The following LRP1B variants were observed in gnomAD, a reference collection of about 807,000 sequenced individuals.
LRP1B encodes LDL receptor related protein 1B, also known as low-density lipoprotein receptor-related protein 1B.
In LRP1B, 217 loss-of-function variants were observed where a neutral mutation model predicts 556.6. The ratio of observed to expected loss-of-function variants is 0.39; its 90% CI spans 0.35 to 0.44. LRP1B has a LOEUF of 0.44. Ranked by LOEUF, LRP1B falls within the 20% of genes least tolerant of loss-of-function variation. The pLI is 1.00. For synonymous variants in LRP1B, 2,047 were observed against 1,865.8 expected (o/e 1.10, Z -2.50); for missense variants, 5,053 against 5,620.8 (o/e 0.90, Z 3.23).
At chr2:140,324,470 C>A (rs1390723174) in intron 80 of LRP1B, among the ~76,000 whole-genome samples, 1 of 152,010 alleles carries the variant, frequency 6.6e-6, no homozygotes, top group Non-Finnish European at 1.5e-5. Flanking sequence ...ATTACATGCC[C>A]AAATGACTGG....
At chr2:141,523,802 G>C (rs1202456128) in intron 2 of LRP1B, among the ~76,000 whole-genome samples, 1 of 152,098 alleles carries the variant, frequency 6.6e-6, no homozygotes, top group Admixed American at 6.6e-5. Flanking sequence ...TGTTCTCCCT[G>C]CTACCATCAT....
intron 41 of LRP1B, among the ~76,000 whole-genome samples, chr2:140,659,704 A>C (rs1012741804): frequency 6.6e-6 from 1 of 152,114 alleles, no homozygotes; most frequent in Non-Finnish European, 1.5e-5. Context: ...CTCACTGGGG[A>C]GACAACATGA....
intron 3 of LRP1B, among the ~76,000 whole-genome samples, chr2:141,388,822 T>A (rs1395169640): frequency 6.6e-6 from 1 of 152,102 alleles, no homozygotes; most frequent in African/African-American, 2.4e-5. Flanking sequence ...GCCGGGCACA[T>A]GATTGACACA....
rs759130008 is a variant in LRP1B, at chr2:141,926,330, C to T, written c.83-115929G>A. On this transcript the variant is annotated intron_variant, in intron 1 of 90. Coordinates refer to ENST00000389484, the MANE Select transcript of LRP1B (RefSeq NM_018557.3). ...CCACAGCTTTAGGTCTTGTGACTTA[C>T]GGAGTAAATGTGTTAGTGATTATGT... Among the ~76,000 whole-genome samples the T allele has an allele frequency of 4.6e-5, 7 of 152,224 alleles. No individual in the cohort carries two copies. The East Asian group carries it at 5.8e-4, about 13-fold the overall frequency.
chr2:140,278,966 T>A (rs1185405809), intron 84 of LRP1B, among the ~76,000 whole-genome samples: 1 of 152,086 alleles, frequency 6.6e-6, no homozygotes, highest in East Asian at 2.0e-4. Flanking sequence ...TTGAAGCATG[T>A]GGAAGCTGCT....
intron 2 of LRP1B, among the ~76,000 whole-genome samples, chr2:141,545,598 G>A (rs72976010): frequency 0.016 from 2,412 of 152,218 alleles, 73 homozygotes; most frequent in African/African-American, 0.055. Flanking sequence ...TAATCACAGC[G>A]CTTCAGGAGG....
At chr2:142,039,380 C>T (rs1255404450) in intron 1 of LRP1B, among the ~76,000 whole-genome samples, 1 of 151,282 alleles carries the variant, frequency 6.6e-6, no homozygotes, top group Non-Finnish European at 1.5e-5. Flanking sequence ...CATATTATCT[C>T]GGGACCTTAT....
At chr2:140,544,168 A>G (rs79882546) in intron 43 of LRP1B, among the ~76,000 whole-genome samples, 40 of 51,666 alleles carry the variant, frequency 7.7e-4, no homozygotes, top group Admixed American at 1.4e-3. Flanking sequence ...GGTTTGTTAT[A>G]TAGGTAAATT....
intron 1 of LRP1B, among the ~76,000 whole-genome samples, chr2:141,928,196 T>G (rs921124867): frequency 6.6e-6 from 1 of 152,188 alleles, no homozygotes; most frequent in African/African-American, 2.4e-5. Flanking sequence ...GTCCCCATCA[T>G]ATAGTTCAGG....
intron 35 of LRP1B, among the ~76,000 whole-genome samples, chr2:140,761,495 T>C (rs1399743717): frequency 6.6e-6 from 1 of 152,172 alleles, no homozygotes; most frequent in African/African-American, 2.4e-5. Flanking sequence ...ATTTCTGAGA[T>C]TGGGTGACAA....
At chr2:140,897,896 T>C (rs1031138507) in intron 23 of LRP1B, among the ~76,000 whole-genome samples, 2 of 152,118 alleles carry the variant, frequency 1.3e-5, no homozygotes, top group African/African-American at 4.8e-5. Flanking sequence ...AGACAGCCTA[T>C]TGTGGGACTT....
chr2:140,748,117 ATATATATATATATATATAT>A lies in LRP1B; in HGVS notation c.5758+21077_5758+21095del, dbSNP rs1559093581. Among the ~76,000 whole-genome samples the A allele has an allele frequency of 4.5e-4, 60 of 133,006 alleles. 1 individual carries two copies. The highest frequency in any genetic ancestry group is 8.9e-4 in the Admixed American group (11 of 12,316). The allele number at this position is 133,006 out of a possible 152,430, so 87.3% of individuals were successfully genotyped here. ...AATATATATATATATATATATATATATATATATATATATATATATAATTCATATATATGTGTGTATATAT... is the reference window on the plus strand; with the variant it reads ...AATATATATATATATATATATATATAAATTCATATATATGTGTGTATATAT... On this transcript the variant is annotated intron_variant, in intron 35 of 90. Coordinates refer to ENST00000389484, the MANE Select transcript of LRP1B (RefSeq NM_018557.3).
chr2:140,953,129 G>C (rs1266123081), intron 18 of LRP1B, among the ~76,000 whole-genome samples: 1 of 152,046 alleles, frequency 6.6e-6, no homozygotes, highest in Non-Finnish European at 1.5e-5. Context: ...CTCACTCTGT[G>C]GCTCAGGCTG....
chr2:141,400,828 T>C (rs1690425199), intron 3 of LRP1B, among the ~76,000 whole-genome samples: 1 of 152,198 alleles, frequency 6.6e-6, no homozygotes. Context: ...TTCCTTTGCC[T>C]CTATGGTATC....
intron 25 of LRP1B, among the ~76,000 whole-genome samples, chr2:140,872,042 G>C (rs1411149896): frequency 8.8e-6 from 1 of 113,360 alleles, no homozygotes; most frequent in Non-Finnish European, 1.9e-5. Context: ...GTATTTAAAA[G>C]TCCTTCATGT....
intron 3 of LRP1B, among the ~76,000 whole-genome samples, chr2:141,344,779 T>A (rs1016861907): frequency 1.2e-4 from 18 of 152,174 alleles, no homozygotes; most frequent in African/African-American, 4.3e-4. Context: ...GAATTATGAA[T>A]GAATACATGA....
In LRP1B at chr2:141,923,226, C is replaced by T. The variant is rs563837496; in HGVS notation, c.83-112825G>A. Among the ~76,000 whole-genome samples the T allele has an allele frequency of 1.8e-3, 279 of 151,794 alleles. 2 individuals carry two copies. Among genetic ancestry groups the T allele is most frequent in the Non-Finnish European group, 3.2e-3 (217 of 67,938 alleles). ...TGAAAATAGCAGGTGAATATTATAACAGTTACGGAAAAATTTATCCACAAG... is the reference window on the plus strand; with the variant it reads ...TGAAAATAGCAGGTGAATATTATAATAGTTACGGAAAAATTTATCCACAAG... On this transcript the variant is annotated intron_variant, in intron 1 of 90. Transcript: ENST00000389484.
intron 35 of LRP1B, among the ~76,000 whole-genome samples, chr2:140,751,246 G>T (rs942515417): frequency 6.6e-6 from 1 of 152,064 alleles, no homozygotes; most frequent in Non-Finnish European, 1.5e-5. Flanking sequence ...GCCTGCCTTG[G>T]CCTCCCAAAG....
At chr2:140,429,055 C>G (rs1317775934) in intron 66 of LRP1B, among the ~76,000 whole-genome samples, 1 of 152,152 alleles carries the variant, frequency 6.6e-6, no homozygotes, top group East Asian at 1.9e-4. Context: ...TCTACTCCCT[C>G]CTTGGCAACG....
Sources: gnomAD v4.1 joint callset for allele counts (sites outside exome capture counted in the v4.1 genomes callset) on GRCh38, gnomAD v4.1.1 for gene constraint, MANE v1.5 for transcripts, NCBI Gene and HGNC (gene_info 2026-07-23, HGNC 2026-07-21) for gene names.